The following DPY19L3 variants were observed in gnomAD, a reference collection of about 807,000 sequenced individuals.
DPY19L3 encodes the protein dpy-19 like C-mannosyltransferase 3.
In DPY19L3, 51 loss-of-function variants were observed where a neutral mutation model predicts 92.3. The ratio of observed to expected loss-of-function variants is 0.55; its 90% CI spans 0.44 to 0.70. The LOEUF (loss-of-function observed/expected upper bound fraction) is 0.70, where lower values mean the gene tolerates loss of function less well. Among genes scored for constraint, DPY19L3 ranks in the 30% least tolerant of loss-of-function variants. The probability of loss-of-function intolerance (pLI) is 0.00; values close to 1 mark genes in which losing one functional copy is unlikely to be tolerated. For synonymous variants in DPY19L3, 309 were observed against 315.2 expected, an observed-to-expected ratio of 0.98 and a Z score of 0.21; for missense variants, 706 against 855.9, an observed-to-expected ratio of 0.82 and a Z score of 2.18.
intron 12 of DPY19L3, among the ~76,000 whole-genome samples, chr19:32,461,251 A>G (rs1970031662): frequency 6.6e-6 from 1 of 152,116 alleles, no homozygotes; most frequent in South Asian, 2.1e-4. Context: ...TCAGCCTCCC[A>G]AAGTGTTGGG....
chr19:32,411,482 C>T (rs775564344), intron 3 of DPY19L3, 110 bp downstream of exon 3: 1 of 1,162,788 alleles, frequency 8.6e-7, no homozygotes, highest in African/African-American at 1.5e-5. Context: ...AATCCAATCT[C>T]TAGAAAGGTT....
chr19:32,478,601 G>A (rs11673124), intron 17 of DPY19L3, among the ~76,000 whole-genome samples: 83,961 of 152,042 alleles, frequency 0.55, 23,636 homozygotes, highest in East Asian at 0.63. Flanking sequence ...GGTATTTCAC[G>A]CATATACAAA....
At chr19:32,468,319 C>T in intron 15 of DPY19L3, 1 of 989,694 alleles carries the variant, frequency 1.0e-6, no homozygotes, top group Non-Finnish European at 1.2e-6. Context: ...CTACAGGATA[C>T]ATTCTACTTT....
intron 8 of DPY19L3, among the ~76,000 whole-genome samples, chr19:32,447,553 C>G (rs993864795): frequency 1.3e-5 from 2 of 151,950 alleles, no homozygotes; most frequent in Non-Finnish European, 2.9e-5. Flanking sequence ...CCTGTCTCTA[C>G]TAAAAATAGA....
intron 12 of DPY19L3, among the ~76,000 whole-genome samples, chr19:32,461,057 G>C (rs1056683554): frequency 3.9e-5 from 6 of 152,114 alleles, no homozygotes; most frequent in African/African-American, 1.2e-4. Flanking sequence ...GTAGAAACAG[G>C]GTTTCACCAT....
rs563767122 is a variant in DPY19L3 at position 32,461,144 on chromosome 19, G to T, written c.1323-2222G>T. 5.3e-5 allele frequency among the ~76,000 whole-genome samples: 8 copies of T among 152,318 alleles called. No homozygotes were observed. In the East Asian group the frequency reaches 1.5e-3, roughly 29 times the overall value. On this transcript the variant is annotated intron_variant, in intron 12 of 18. Coordinates refer to ENST00000392250, the MANE Select transcript of DPY19L3 (RefSeq NM_001172774.2). ...GCCTCCCAAAATGTTGGGATGACAGGCATGAGCCACTGCACCCTGCCAGAT... is the reference window on the plus strand; with the variant it reads ...GCCTCCCAAAATGTTGGGATGACAGTCATGAGCCACTGCACCCTGCCAGAT...
Position 32,453,236 on chromosome 19 carries a change from T to C in DPY19L3, c.947T>C (p.Ile316Thr). ...TCCATGATTCTTGGATCACTGCTTATCAGTTTTAACCTTTCAGTATTCATT... is the reference window on the plus strand; with the variant it reads ...TCCATGATTCTTGGATCACTGCTTACCAGTTTTAACCTTTCAGTATTCATT... ...FNSMILGSLLISFNLSVFIAR... is the reference protein window; with the variant it reads ...FNSMILGSLLTSFNLSVFIAR... Residue 316 changes from isoleucine (I) to threonine (T), a missense_variant, in exon 9 of 19, where the codon ATC (isoleucine) becomes ACC (threonine). Transcript: ENST00000392250. 1 of 1,614,042 alleles carries C rather than the reference T, an allele frequency of 6.2e-7. No individual in the cohort carries two copies. Among genetic ancestry groups the C allele is most frequent in the East Asian group, 2.2e-5 (1 of 44,876 alleles).
chr19:32,478,354 G>C (rs900164151), intron 17 of DPY19L3, among the ~76,000 whole-genome samples: 1 of 152,244 alleles, frequency 6.6e-6, no homozygotes, highest in Non-Finnish European at 1.5e-5. Flanking sequence ...TGGGAGCAAA[G>C]CTTTTGGATT....
chr19:32,427,793 G>A (rs1356266266), intron 3 of DPY19L3, among the ~76,000 whole-genome samples: 1 of 151,972 alleles, frequency 6.6e-6, no homozygotes, highest in Admixed American at 6.6e-5. Flanking sequence ...GTTTGCTGAG[G>A]GCATGATTCC....
At chr19:32,446,797 A>G (rs867137494) in intron 8 of DPY19L3, among the ~76,000 whole-genome samples, 34 of 152,298 alleles carry the variant, frequency 2.2e-4, no homozygotes, top group Admixed American at 7.9e-4. Context: ...TCTCTGGACA[A>G]TTGATAGAAC....
chr19:32,436,066 C>T (rs112067672), intron 4 of DPY19L3, among the ~76,000 whole-genome samples: 25 of 152,320 alleles, frequency 1.6e-4, no homozygotes, highest in African/African-American at 5.8e-4. Flanking sequence ...TGGCCAAAGC[C>T]GTTCTGGGGA....
chr19:32,454,578 GAAAAAGAA>G (rs1244422852), intron 9 of DPY19L3, among the ~76,000 whole-genome samples: 1 of 151,314 alleles, frequency 6.6e-6, no homozygotes, highest in East Asian at 1.9e-4. Context: ...CGTCTCAAAA[GAAAAAGAA>G]AAAAAGAAAA....
At chr19:32,453,590 ATG>A (rs1969775316) in intron 9 of DPY19L3, among the ~76,000 whole-genome samples, 3 of 152,146 alleles carry the variant, frequency 2.0e-5, no homozygotes, top group Admixed American at 1.3e-4. Context: ...ATTAATTTTT[ATG>A]TGTGTGAACT....
intron 16 of DPY19L3, among the ~76,000 whole-genome samples, chr19:32,476,284 C>T (rs1233333690): frequency 6.6e-6 from 1 of 152,110 alleles, no homozygotes; most frequent in Non-Finnish European, 1.5e-5. Flanking sequence ...CCTGCCATGG[C>T]TTTTTCTGCA....
intron 6 of DPY19L3, among the ~76,000 whole-genome samples, chr19:32,438,123 TA>T: frequency 6.6e-6 from 1 of 152,260 alleles, no homozygotes. Context: ...AATCACATTT[TA>T]AAAAAATGTA....
chr19:32,452,593 C>T lies in DPY19L3; in HGVS notation c.856-552C>T, dbSNP rs1183614. Among the ~76,000 whole-genome samples, 804 of 152,352 alleles carry T rather than the reference C, an allele frequency of 5.3e-3. 3 individuals are homozygous for T. The highest frequency in any genetic ancestry group is 8.4e-3 in the Non-Finnish European group (573 of 68,042). ...ATTCTGCTGTTGTTTACTTCCTCTA[C>T]TTCATATCATCCCTCTTTACTTCCC... is the stretch of plus-strand genomic sequence containing the variant. On this transcript the variant is annotated intron_variant, in intron 8 of 18. Transcript: ENST00000392250.
intron 5 of DPY19L3, among the ~76,000 whole-genome samples, chr19:32,436,781 C>T (rs928759158): frequency 2.6e-5 from 4 of 152,232 alleles, no homozygotes; most frequent in East Asian, 1.9e-4. Flanking sequence ...TGCTTCCTGG[C>T]TTATGTATGT....
chr19:32,460,036 A>G (rs1407296239), intron 12 of DPY19L3, among the ~76,000 whole-genome samples: 1 of 152,184 alleles, frequency 6.6e-6, no homozygotes, highest in Non-Finnish European at 1.5e-5. Flanking sequence ...GCAAGTTACT[A>G]TGTTTAATAC....
chr19:32,466,484 A>G (rs1370072370), intron 15 of DPY19L3, among the ~76,000 whole-genome samples: 2 of 152,212 alleles, frequency 1.3e-5, no homozygotes, highest in African/African-American at 4.8e-5. Flanking sequence ...TGTGTGCTGT[A>G]GGCTGCTCTG....
Sources: gnomAD v4.1 joint callset for allele counts (sites outside exome capture counted in the v4.1 genomes callset) on GRCh38, gnomAD v4.1.1 for gene constraint, MANE v1.5 for transcripts, NCBI Gene and HGNC (gene_info 2026-07-23, HGNC 2026-07-21) for gene names.